TLE4: variants seen among roughly 807,000 people sequenced by gnomAD.
The protein encoded by TLE4 is TLE family member 4, transcriptional corepressor.
TLE4 carries 8 observed loss-of-function variants against 92.8 expected under a neutral mutation model. The observed-to-expected ratio is 0.09, with a 90% CI of 0.05 to 0.16. The LOEUF is 0.16. TLE4 is among the 10% of genes least tolerant of loss of function. TLE4 has a pLI of 1.00. For synonymous variants in TLE4, 371 were observed against 374.1 expected (o/e 0.99, Z 0.10); for missense variants, 675 against 997.6 (o/e 0.68, Z 4.36).
At chr9:79,618,979 A>G (rs1259821141) in intron 5 of TLE4, among the ~76,000 whole-genome samples, 1 of 152,210 alleles carries the variant, frequency 6.6e-6, no homozygotes, top group Non-Finnish European at 1.5e-5. Flanking sequence ...ACCTGGGGAA[A>G]AGGGAACTTC....
intron 19 of TLE4, among the ~76,000 whole-genome samples, 157 bp from the exon 20 acceptor site, chr9:79,724,880 A>AAAAAC (rs1565242153): frequency 6.7e-6 from 1 of 148,688 alleles, no homozygotes; most frequent in African/African-American, 2.5e-5. Flanking sequence ...AAAAAAAAAA[A>AAAAAC]AGCAGCAGTA....
chr9:79,706,761 T>C lies in TLE4; in HGVS notation c.798T>C (p.Pro266=). The C allele has an allele frequency of 1.2e-6, 2 of 1,613,644 alleles. No individual in the cohort carries two copies. The change falls in exon 11 of 20, where the codon CCT becomes CCC. Residue 266 remains proline, a synonymous_variant. Coordinates refer to ENST00000376552, the MANE Select transcript of TLE4 (RefSeq NM_007005.6). ...TTCCTTTGTAGGATCCATCTTCCCC[T>C]CGAGGGAGCCCAGCACATTCCCCCA... The part of the protein sequence containing the change: ...VDVSNEDPSS[P]RGSPAHSPRE...
chr9:79,686,161 G>A (rs2065807842), intron 8 of TLE4, among the ~76,000 whole-genome samples: 1 of 152,132 alleles, frequency 6.6e-6, no homozygotes, highest in African/African-American at 2.4e-5. Context: ...TTTTATATCA[G>A]GGACTTGTGT....
chr9:79,675,263 C>G (rs983561686), intron 8 of TLE4, among the ~76,000 whole-genome samples: 5 of 152,132 alleles, frequency 3.3e-5, no homozygotes, highest in African/African-American at 4.8e-5. Flanking sequence ...TCTTTGTTTT[C>G]CTTTCCAGTA....
At position 79,586,588 on chromosome 9, in the gene TLE4, C is replaced by CT. The variant is rs1251823287; in HGVS notation, c.252+10412dup. Reference sequence around the variant, plus strand: ...CTGTGGCTTACAGTGAGCTTGACATCTCAAGTCCTCAGGACTTTCTTGCTT... The same window carrying CT: ...CTGTGGCTTACAGTGAGCTTGACATCTTCAAGTCCTCAGGACTTTCTTGCTT... On this transcript the variant is annotated intron_variant, in intron 4 of 19. Coordinates refer to ENST00000376552, the MANE Select transcript of TLE4 (RefSeq NM_007005.6). Among the ~76,000 whole-genome samples, 2 of 152,106 alleles carry CT rather than the reference C, an allele frequency of 1.3e-5. 1 individual carries two copies. Among genetic ancestry groups the CT allele is most frequent in the Non-Finnish European group, 2.9e-5 (2 of 68,026 alleles).
chr9:79,704,774 T>A lies in TLE4; in HGVS notation c.610-9T>A, dbSNP rs1048727370. 1.2e-6 allele frequency: 2 copies of A among 1,606,124 alleles called. No individual in the cohort carries two copies. The highest frequency in any genetic ancestry group is 1.3e-5 in the African/African-American group (1 of 74,310). On this transcript the variant is annotated splice_polypyrimidine_tract_variant and intron_variant, in intron 8 of 19. Transcript: ENST00000376552. The stretch of plus-strand genomic sequence containing the variant: ...TTCTCAACCATGCTTCCTCTCCTTC[T>A]AATTCCAGAGCTCTTCAGTATCCCC...
chr9:79,678,223 T>C (rs1277304577), intron 8 of TLE4, among the ~76,000 whole-genome samples: 3 of 152,264 alleles, frequency 2.0e-5, no homozygotes, highest in African/African-American at 7.2e-5. Context: ...ATCTGCCTGT[T>C]CAATAATTAG....
At chr9:79,625,009 C>CTTT (rs2052137815) in intron 5 of TLE4, among the ~76,000 whole-genome samples, 1 of 100,404 alleles carries the variant, frequency 1.0e-5, no homozygotes, top group Non-Finnish European at 2.1e-5. Context: ...AAATCTATTT[C>CTTT]TTTTCTTTTT....
intron 5 of TLE4, among the ~76,000 whole-genome samples, chr9:79,613,436 G>T (rs770544850): frequency 1.7e-4 from 25 of 151,224 alleles, no homozygotes; most frequent in Non-Finnish European, 3.2e-4. Context: ...CTTCCTTGTG[G>T]TTTTTTTTTC....
chr9:79,616,483 A>G lies in TLE4; in HGVS notation c.315+3765A>G, dbSNP rs372308157. On this transcript the variant is annotated intron_variant, in intron 5 of 19. Coordinates refer to ENST00000376552, the MANE Select transcript of TLE4 (RefSeq NM_007005.6). ...GCTCTGTCTCCTCTTGGGAGGAGCTAGAACCAGCCCTCCCTCCCTTTTCTA... is the reference window on the plus strand; with the variant it reads ...GCTCTGTCTCCTCTTGGGAGGAGCTGGAACCAGCCCTCCCTCCCTTTTCTA... Among the ~76,000 whole-genome samples the G allele has an allele frequency of 3.2e-4, 49 of 152,320 alleles. No homozygotes were observed. In the East Asian group the frequency reaches 8.7e-3, roughly 27 times the overall value.
At chr9:79,627,470 G>A (rs1268569459) in intron 6 of TLE4, 22 bp downstream of exon 6, 12 of 1,612,194 alleles carry the variant, frequency 7.4e-6, no homozygotes, top group Non-Finnish European at 1.0e-5. Flanking sequence ...TTCCATTTTA[G>A]CTCTGATCTT....
chr9:79,670,036 T>C lies in TLE4; in HGVS notation c.609+15961T>C, dbSNP rs141437212. 2.9e-3 allele frequency among the ~76,000 whole-genome samples: 439 copies of C among 152,224 alleles called. 1 individual carries two copies. Among genetic ancestry groups the C allele is most frequent in the African/African-American group, 0.01 (420 of 41,544 alleles). ...AAGAAACCCCTGAAATGACAGACAC[T>C]GAATGGGGATAAATGCATCTATGTG... On this transcript the variant is annotated intron_variant, in intron 8 of 19. Coordinates refer to ENST00000376552, the MANE Select transcript of TLE4 (RefSeq NM_007005.6).
At chr9:79,716,816 A>G (rs1340708153) in intron 14 of TLE4, among the ~76,000 whole-genome samples, 1 of 152,132 alleles carries the variant, frequency 6.6e-6, no homozygotes, top group Non-Finnish European at 1.5e-5. Context: ...TGCATATCTC[A>G]CTAATGAATG....
chr9:79,645,450 C>T (rs1031429474), intron 6 of TLE4, among the ~76,000 whole-genome samples: 1 of 152,188 alleles, frequency 6.6e-6, no homozygotes, highest in African/African-American at 2.4e-5. Flanking sequence ...CTTGCTGGCT[C>T]CTGCTTGGTC....
At chr9:79,681,652 A>C (rs577717918) in intron 8 of TLE4, among the ~76,000 whole-genome samples, 25 of 152,156 alleles carry the variant, frequency 1.6e-4, no homozygotes, top group Admixed American at 3.9e-4. Flanking sequence ...CTACATGGAT[A>C]CAGATCTGTT....
chr9:79,576,015 G>T (rs1278339878), intron 3 of TLE4, 118 bp from the exon 4 acceptor site: 1 of 560,506 alleles, frequency 1.8e-6, no homozygotes, highest in African/African-American at 1.9e-5. Flanking sequence ...GTTATATGAA[G>T]ATACTGGTTT....
chr9:79,626,741 AC>A (rs1307477410), intron 5 of TLE4, among the ~76,000 whole-genome samples: 1 of 152,136 alleles, frequency 6.6e-6, no homozygotes, highest in African/African-American at 2.4e-5. Context: ...AAATTATCGT[AC>A]ACTTTTGTGG....
At chr9:79,646,130 G>A (rs966021883) in intron 6 of TLE4, among the ~76,000 whole-genome samples, 11 of 151,328 alleles carry the variant, frequency 7.3e-5, no homozygotes, top group African/African-American at 1.5e-4. Flanking sequence ...AATTACATCC[G>A]TAACAAATCT....
chr9:79,578,346 A>G (rs1460271955), intron 4 of TLE4, among the ~76,000 whole-genome samples: 2 of 152,196 alleles, frequency 1.3e-5, no homozygotes, highest in Admixed American at 6.5e-5. Context: ...GAAGTACCCT[A>G]GTAATTGGTG....
Sources: allele counts gnomAD v4.1 joint callset (sites outside exome capture counted in the v4.1 genomes callset), GRCh38; gene constraint gnomAD v4.1.1; transcripts MANE v1.5; gene names NCBI Gene and HGNC (gene_info 2026-07-23, HGNC 2026-07-21).